The following NDUFB7 variants were observed in gnomAD, a reference collection of about 807,000 sequenced individuals.
NDUFB7 encodes NADH:ubiquinone oxidoreductase subunit B7, also known as NADH dehydrogenase [ubiquinone] 1 beta subcomplex subunit 7.
Under a neutral mutation model 14.7 loss-of-function variants are expected in NDUFB7, and 18 were observed. The observed-to-expected ratio is 1.22, with a 90% CI of 0.85 to 1.81. The LOEUF (loss-of-function observed/expected upper bound fraction) is 1.81. NDUFB7 is among the 40% of genes most tolerant of loss of function. The pLI, the probability that NDUFB7 is intolerant of heterozygous loss-of-function variation, is 0.00. For synonymous variants in NDUFB7, 86 were observed against 76.1 expected (o/e 1.13, Z -0.68); for missense variants, 219 against 195.0 (o/e 1.12, Z -0.73).
intron 1 of NDUFB7, among the ~76,000 whole-genome samples, chr19:14,568,449 C>T (rs185950982): frequency 1.3e-5 from 2 of 152,308 alleles, no homozygotes; most frequent in Non-Finnish European, 2.9e-5. Context: ...ACCTGCAGCC[C>T]CTGGCTGTTC....
intron 1 of NDUFB7, among the ~76,000 whole-genome samples, chr19:14,569,275 C>G (rs1487030216): frequency 6.6e-6 from 1 of 152,040 alleles, no homozygotes; most frequent in East Asian, 1.9e-4. Flanking sequence ...GACCGGTCAG[C>G]AGGGACTGCA....
Position 14,572,047 on chromosome 19 carries a change from T to C in NDUFB7, c.-47A>G, listed in dbSNP as rs979125440. ...CTGCAGCAGCCGAGGGTCACCTAGC[T>C]CCTACCCGGAACCACTGACCCCTCA... On this transcript the variant is annotated 5_prime_UTR_variant, in exon 1 of 3. Transcript: ENST00000215565. 2 of 1,439,568 alleles carry C rather than the reference T, an allele frequency of 1.4e-6. No homozygotes were observed. Among genetic ancestry groups the C allele is most frequent in the Non-Finnish European group, 1.9e-6 (2 of 1,058,218 alleles). The allele number at this position is 1,439,568 out of a possible 1,614,324, so 89.2% of individuals were successfully genotyped here. A position where few individuals can be genotyped will look rare whatever the true frequency, so the allele number is the denominator to read the frequency against.
chr19:14,568,528 A>C (rs949415315), intron 1 of NDUFB7, among the ~76,000 whole-genome samples: 1 of 151,982 alleles, frequency 6.6e-6, no homozygotes, highest in Non-Finnish European at 1.5e-5. Context: ...ACTTATAATC[A>C]GCTAGCAGCA....
chr19:14,570,432 C>T (rs1415496516), intron 1 of NDUFB7, among the ~76,000 whole-genome samples: 2 of 151,704 alleles, frequency 1.3e-5, no homozygotes, highest in African/African-American at 2.4e-5. Flanking sequence ...AATCCCCTGA[C>T]CTCGTGATCT....
rs1391160436 is a variant in NDUFB7 at position 14,567,171 on chromosome 19, TC to T, written c.113-239del. Among the ~76,000 whole-genome samples, 1 of 151,964 alleles carries T rather than the reference TC, an allele frequency of 6.6e-6. No individual in the cohort carries two copies. The highest frequency in any genetic ancestry group is 1.5e-5 in the Non-Finnish European group (1 of 67,956). On this transcript the variant is annotated intron_variant, in intron 1 of 2. Coordinates refer to ENST00000215565, the MANE Select transcript of NDUFB7 (RefSeq NM_004146.6). This position sits in a 1 kb window ranked among gnomAD's most constrained non-coding sequence, Gnocchi z 5.1. ...CAAGGGCCAGACAGGAGAAGGTGGC[TC>T]CCCATCACCCTGAGGCACCTCAACA...
Position 14,566,207 on chromosome 19 carries a change from GCTT to G in NDUFB7, c.337_339del (p.Lys113del), listed in dbSNP as rs2074080987. 1 of 1,614,022 alleles carries G rather than the reference GCTT, an allele frequency of 6.2e-7. No individual in the cohort carries two copies. Among genetic ancestry groups the G allele is most frequent in the African/African-American group, 1.3e-5 (1 of 75,058 alleles). On this transcript the variant is annotated inframe_deletion, in exon 3 of 3. Transcript: ENST00000215565. ...AACTCTGCCGCCTTCTTCTCCCGCC[GCTT>G]CTTCCGCTGGAGCAGCCTCCGCTCC...
At chr19:14,568,294 C>T (rs181373630) in intron 1 of NDUFB7, among the ~76,000 whole-genome samples, 1 of 152,196 alleles carries the variant, frequency 6.6e-6, no homozygotes, top group Non-Finnish European at 1.5e-5. Context: ...ATCCACCCAC[C>T]TTGGCCTCCC....
Position 14,567,436 on chromosome 19 carries a change from C to G in NDUFB7, c.113-503G>C, listed in dbSNP as rs935919825. 6.6e-6 allele frequency among the ~76,000 whole-genome samples: 1 copy of G among 152,112 alleles called. No homozygotes were observed. Among genetic ancestry groups the G allele is most frequent in the Admixed American group, 6.5e-5 (1 of 15,272 alleles). On this transcript the variant is annotated intron_variant, in intron 1 of 2. Coordinates refer to ENST00000215565, the MANE Select transcript of NDUFB7 (RefSeq NM_004146.6). This position sits in a 1 kb window ranked among gnomAD's most constrained non-coding sequence, Gnocchi z 5.1. ...TCTCTCAGCCTCAGAACTGACCATCCGGTCATGGAAGTTACCCGAGCATCC... is the reference window on the plus strand; with the variant it reads ...TCTCTCAGCCTCAGAACTGACCATCGGGTCATGGAAGTTACCCGAGCATCC...
In NDUFB7 at chr19:14,571,904, C is replaced by A; in HGVS notation, c.97G>T (p.Glu33Ter). 2.5e-6 allele frequency: 4 copies of A among 1,610,364 alleles called. No individual in the cohort carries two copies. In the South Asian group the frequency reaches 3.3e-5, roughly 13 times the overall value. The change falls in exon 1 of 3, where the codon GAA becomes TAA. Residue 33 changes from glutamate (E) to a stop codon, truncating the protein, a stop_gained. Coordinates refer to ENST00000215565, the MANE Select transcript of NDUFB7 (RefSeq NM_004146.6). LOFTEE classifies it high-confidence loss of function. The part of the protein sequence containing the change: ...PTFPPDYGFP[E>*]RKEREMVATQ... ...TGGGCCTCACCGCGCTCCTTGCGTT[C>A]GGGGAAGCCGTAGTCTGGCGGGAAG...
rs1599516774 is a variant in NDUFB7 at position 14,571,931 on chromosome 19, T to C, written c.70A>G (p.Thr24Ala). ...SVEPDPLQMP[T>A]FPPDYGFPER... is the part of the protein sequence containing the mutation. ...GGGAAGCCGTAGTCTGGCGGGAAGG[T>C]TGGCATCTGCAGGGGGTCGGGCTCC... Residue 24 changes from threonine to alanine, a missense_variant, in exon 1 of 3, where the codon ACC becomes GCC. By Grantham distance (58) the Thr-to-Ala change is moderately conservative. Coordinates refer to ENST00000215565, the MANE Select transcript of NDUFB7 (RefSeq NM_004146.6). The C allele has an allele frequency of 1.9e-6, 3 of 1,612,224 alleles. 1 individual carries two copies. In the South Asian group the frequency reaches 3.3e-5, roughly 18 times the overall value.
chr19:14,570,918 G>A (rs996553388), intron 1 of NDUFB7, among the ~76,000 whole-genome samples: 19 of 152,162 alleles, frequency 1.2e-4, no homozygotes, highest in Non-Finnish European at 1.9e-4. Context: ...CAGCACTTTG[G>A]GAGGCTGGGC....
Position 14,567,062 on chromosome 19 carries a change from G to T in NDUFB7, c.113-129C>A. On this transcript the variant is annotated intron_variant, in intron 1 of 2. Transcript: ENST00000215565. This position sits in a 1 kb window ranked among gnomAD's most constrained non-coding sequence, Gnocchi z 5.1. ...GGTGTCCCCCATTCACATCCAGATG[G>T]CAGTGGATGGCAGATGCCTTTGACG... 3.4e-6 allele frequency: 3 copies of T among 873,130 alleles called. No individual in the cohort carries two copies. Among genetic ancestry groups the T allele is most frequent in the Non-Finnish European group, 5.2e-6 (3 of 579,608 alleles). 54.1% of individuals were successfully genotyped at this position (873,130 alleles called of 1,614,324 possible). A position where few individuals can be genotyped will look rare whatever the true frequency, so the allele number is the denominator to read the frequency against.
rs2074099651 is a variant in NDUFB7, at chr19:14,567,563, C to A, written c.113-630G>T. On this transcript the variant is annotated intron_variant, in intron 1 of 2. Transcript: ENST00000215565. This position sits in a 1 kb window ranked among gnomAD's most constrained non-coding sequence, Gnocchi z 5.1. The stretch of plus-strand genomic sequence containing the variant: ...CCCACTCACCTAGCAAACCTGACTC[C>A]GGACAAATCAACCTTCAGGAGGGGG... Among the ~76,000 whole-genome samples, 1 of 152,020 alleles carries A rather than the reference C, an allele frequency of 6.6e-6. No homozygotes were observed. The highest frequency in any genetic ancestry group is 1.5e-5 in the Non-Finnish European group (1 of 68,002).
chr19:14,571,856 G>T, intron 1 of NDUFB7, 33 bp downstream of exon 1: 4 of 1,582,094 alleles, frequency 2.5e-6, no homozygotes, highest in East Asian at 2.3e-5. Flanking sequence ...CGCGCCCCAC[G>T]CCCTCTGGCT....
intron 1 of NDUFB7, among the ~76,000 whole-genome samples, chr19:14,570,981 G>C (rs2074121803): frequency 6.6e-6 from 1 of 151,688 alleles, no homozygotes; most frequent in Non-Finnish European, 1.5e-5. Context: ...AACACAGCAA[G>C]ACCCCCAACT....
chr19:14,569,475 C>A (rs988887263), intron 1 of NDUFB7, among the ~76,000 whole-genome samples: 2 of 151,892 alleles, frequency 1.3e-5, no homozygotes, highest in African/African-American at 4.8e-5. Flanking sequence ...TTTCTTATCT[C>A]CCCGCCCCCC....
Position 14,567,743 on chromosome 19 carries a change from A to G in NDUFB7, c.113-810T>C, listed in dbSNP as rs569557262. ...GTCCCAGCTCCTTCCCATCTGCGCA[A>G]GTGAGACGAGATATATTCACATCTC... On this transcript the variant is annotated intron_variant, in intron 1 of 2. Transcript: ENST00000215565. The surrounding 1 kb of genome is among the most constrained non-coding windows in gnomAD (Gnocchi z 5.1). 1.3e-5 allele frequency among the ~76,000 whole-genome samples: 2 copies of G among 152,048 alleles called. No individual in the cohort carries two copies. Among genetic ancestry groups the G allele is most frequent in the Admixed American group, 1.3e-4 (2 of 15,268 alleles).
chr19:14,566,875 G>T lies in NDUFB7; in HGVS notation c.171C>A (p.Asp57Glu), dbSNP rs1391319205. 1.3e-6 allele frequency: 2 copies of T among 1,577,614 alleles called. No individual in the cohort carries two copies. Among genetic ancestry groups the T allele is most frequent in the East Asian group, 2.3e-5 (1 of 43,170 alleles). ...MDAQLRLQLR[D>E]YCAHHLIRLL... ...GCCGGATGAGGTGGTGGGCGCAGTA[G>T]TCCCGCAGCTGGAGCCTCAGCTGCG... The change falls in exon 2 of 3, where the codon GAC becomes GAA. Residue 57 changes from aspartate (D) to glutamate (E), a missense_variant. Transcript: ENST00000215565.
At position 14,571,895 on chromosome 19, in the gene NDUFB7, C is replaced by T; in HGVS notation, c.106G>A (p.Glu36Lys). 2 of 1,609,220 alleles carry T rather than the reference C, an allele frequency of 1.2e-6. No homozygotes were observed. Among genetic ancestry groups the T allele is most frequent in the African/African-American group, 1.3e-5 (1 of 74,990 alleles). Residue 36 changes from glutamate to lysine, a missense_variant, in exon 1 of 3, where the codon GAG (glutamate) becomes AAG (lysine). Transcript: ENST00000215565. ...CCTGCGCACTGGGCCTCACCGCGCTCCTTGCGTTCGGGGAAGCCGTAGTCT... is the reference window on the plus strand; with the variant it reads ...CCTGCGCACTGGGCCTCACCGCGCTTCTTGCGTTCGGGGAAGCCGTAGTCT... ...PPDYGFPERK[E>K]REMVATQQEM...
Sources: gnomAD v4.1 joint callset for allele counts (sites outside exome capture counted in the v4.1 genomes callset) on GRCh38, gnomAD v4.1.1 for gene constraint, Gnocchi (gnomAD v3.1) non-coding constraint, MANE v1.5 for transcripts, NCBI Gene and HGNC (gene_info 2026-07-23, HGNC 2026-07-21) for gene names.